Variants in KIFC1 observed in about 807,000 individuals in gnomAD.
The protein encoded by KIFC1 is kinesin-like protein KIFC1.
KIFC1 carries 37 observed loss-of-function variants against 66.6 expected under a neutral mutation model. The ratio of observed to expected loss-of-function variants is 0.56; its 90% confidence interval spans 0.43 to 0.73. KIFC1 has a LOEUF of 0.73. KIFC1 is among the 30% of genes least tolerant of loss of function. The pLI, the probability that KIFC1 is intolerant of heterozygous loss-of-function variation, is 0.00. For missense variants in KIFC1, 721 were observed against 859.8 expected, an observed-to-expected ratio of 0.84 and a Z score of 2.02; for synonymous variants, 325 against 343.5, an observed-to-expected ratio of 0.95 and a Z score of 0.60.
Position 33,406,524 on chromosome 6 carries a change from G to T in KIFC1, c.1827+38G>T. ...GTGGGGTGAGATACGGGACCTGGGG[G>T]ACAGTTGGGGTTGGCTGTGCAGAAC... On this transcript the variant is annotated intron_variant, in intron 8 of 10. Transcript: ENST00000428849. This position sits in a 1 kb window ranked among gnomAD's most constrained non-coding sequence, Gnocchi z 4.5. The T allele has an allele frequency of 2.5e-6, 4 of 1,610,546 alleles. No homozygotes were observed. The highest frequency in any genetic ancestry group is 3.4e-6 in the Non-Finnish European group (4 of 1,177,700).
Position 33,409,705 on chromosome 6 carries a change from CTGTGTGTGTG to C in KIFC1, c.*55_*64del, listed in dbSNP as rs3066474. 80,218 of 1,256,732 alleles carry C rather than the reference CTGTGTGTGTG, an allele frequency of 0.064. 3,145 individuals carry two copies. The highest frequency in any genetic ancestry group is 0.069 in the Non-Finnish European group (62,874 of 906,900). The allele number at this position is 1,256,732 out of a possible 1,614,324, so 77.8% of individuals were successfully genotyped here. ...ACAGGAAGTGAAGACGGATCCAGAT[CTGTGTGTGTG>C]TGTGTGTGTGTGTGTGTGTGTGTGT... On this transcript the variant is annotated 3_prime_UTR_variant, in exon 11 of 11. Transcript: ENST00000428849.
At chr6:33,399,299 A>G (rs57226870) in intron 3 of KIFC1, among the ~76,000 whole-genome samples, 2,099 of 152,246 alleles carry the variant, frequency 0.014, 62 homozygotes, top group African/African-American at 0.047. Context: ...GAGGCAGGAG[A>G]ATTGCTTAGA....
rs1012635084 is a variant in KIFC1, at chr6:33,405,809, G to A, written c.1536+178G>A. 2.6e-5 allele frequency among the ~76,000 whole-genome samples: 4 copies of A among 152,172 alleles called. No individual in the cohort carries two copies. Among genetic ancestry groups the A allele is most frequent in the African/African-American group, 4.8e-5 (2 of 41,428 alleles). On this transcript the variant is annotated intron_variant, in intron 7 of 10. Transcript: ENST00000428849. The surrounding 1 kb of genome is among the most constrained non-coding windows in gnomAD (Gnocchi z 5.4). ...TGTCGGTAGATCTGCCTTAACCTGG[G>A]AGTGGCGAGGGAGTGATGCATCTGC...
chr6:33,392,080 C>G, intron 1 of KIFC1, 83 bp downstream of exon 1: 5 of 1,501,940 alleles, frequency 3.3e-6, no homozygotes, highest in Non-Finnish European at 4.6e-6. Context: ...CCCCGGCTCC[C>G]GGTCGGCCTT....
chr6:33,405,845 A>G lies in KIFC1; in HGVS notation c.1536+214A>G, dbSNP rs1300541968. Among the ~76,000 whole-genome samples the G allele has an allele frequency of 6.6e-6, 1 of 152,080 alleles. No homozygotes were observed. The highest frequency in any genetic ancestry group is 1.5e-5 in the Non-Finnish European group (1 of 67,996). Reference sequence around the variant, plus strand: ...GAGTGATGCATCTGCCAAAACGAGGAGGGTCACTACATCTCATGTCTCATC... The same window carrying G: ...GAGTGATGCATCTGCCAAAACGAGGGGGGTCACTACATCTCATGTCTCATC... On this transcript the variant is annotated intron_variant, in intron 7 of 10. Transcript: ENST00000428849. The surrounding 1 kb of genome is among the most constrained non-coding windows in gnomAD (Gnocchi z 5.4).
In KIFC1 at chr6:33,400,008, T is replaced by A; in HGVS notation, c.250+1621T>A. On this transcript the variant is annotated intron_variant, in intron 3 of 10. Transcript: ENST00000428849. This position sits in a 1 kb window ranked among gnomAD's most constrained non-coding sequence, Gnocchi z 4.3. ...CATTTTAATCTTTTTTTAACTTTTT[T>A]TTTTCGACCAGTTGTCAAATGATCC... 1 of 623,608 alleles carries A rather than the reference T, an allele frequency of 1.6e-6. No homozygotes were observed. The highest frequency in any genetic ancestry group is 2.9e-6 in the Non-Finnish European group (1 of 350,194). The allele number at this position is 623,608 out of a possible 1,614,324, so 38.6% of individuals were successfully genotyped here.
At position 33,406,360 on chromosome 6, in the gene KIFC1, C is replaced by T. The variant is rs781508954; in HGVS notation, c.1701C>T (p.Ala567=). 26 of 1,613,904 alleles carry T rather than the reference C, an allele frequency of 1.6e-5. No homozygotes were observed. The highest frequency in any genetic ancestry group is 4.4e-5 in the South Asian group (4 of 91,082). Residue 567 remains alanine (A), a synonymous_variant, in exon 8 of 11, where the codon GCC becomes GCT. Coordinates refer to ENST00000428849, the MANE Select transcript of KIFC1 (RefSeq NM_002263.4). The surrounding 1 kb of genome is among the most constrained non-coding windows in gnomAD (Gnocchi z 4.5). ...CCCCCCTCAGTCTTGTGGACCTGGC[C>T]GGGAGTGAGCGACTTGACCCCGGCT... ...CGAPLSLVDL[A]GSERLDPGLA...
At chr6:33,407,702 T>G (rs1185101672) in intron 10 of KIFC1, among the ~76,000 whole-genome samples, 1 of 152,214 alleles carries the variant, frequency 6.6e-6, no homozygotes, top group Non-Finnish European at 1.5e-5. Context: ...TTCCAAATAG[T>G]GTGAATTCAG....
At chr6:33,408,628 T>C (rs1326133342) in intron 10 of KIFC1, among the ~76,000 whole-genome samples, 1 of 152,226 alleles carries the variant, frequency 6.6e-6, no homozygotes, top group Admixed American at 6.5e-5. Flanking sequence ...TGCTGAATTA[T>C]TTATTGATTT....
At position 33,405,020 on chromosome 6, in the gene KIFC1, G is replaced by A; in HGVS notation, c.925G>A (p.Gly309Ser). The A allele has an allele frequency of 6.2e-7, 1 of 1,614,130 alleles. No individual in the cohort carries two copies. Among genetic ancestry groups the A allele is most frequent in the Non-Finnish European group, 8.5e-7 (1 of 1,180,026 alleles). Residue 309 changes from glycine to serine, a missense_variant, in exon 7 of 11, where the codon GGC (glycine) becomes AGC (serine). By Grantham distance (56) the Gly-to-Ser change is moderately conservative. Transcript: ENST00000428849. This position sits in a 1 kb window ranked among gnomAD's most constrained non-coding sequence, Gnocchi z 5.4. The part of the protein sequence containing the change: ...RLHNQLQELK[G>S]NIRVFCRVRP... ...GCACAACCAGCTGCAGGAACTCAAG[G>A]GCAACATCCGTGTATTCTGCCGGGT...
chr6:33,407,874 G>C (rs895810585), intron 10 of KIFC1, among the ~76,000 whole-genome samples: 2 of 152,158 alleles, frequency 1.3e-5, no homozygotes, highest in Non-Finnish European at 2.9e-5. Flanking sequence ...CCTCCTGCGC[G>C]TATAGCCCTT....
chr6:33,403,596 G>A lies in KIFC1; in HGVS notation c.355+61G>A. ...GGATAGGGAAGAGAAGATGGTGAGTGACCAGAAAAATCCATTTGGTCTCTA... is the reference window on the plus strand; with the variant it reads ...GGATAGGGAAGAGAAGATGGTGAGTAACCAGAAAAATCCATTTGGTCTCTA... On this transcript the variant is annotated intron_variant, in intron 5 of 10. Coordinates refer to ENST00000428849, the MANE Select transcript of KIFC1 (RefSeq NM_002263.4). This position sits in a 1 kb window ranked among gnomAD's most constrained non-coding sequence, Gnocchi z 4.6. The A allele has an allele frequency of 5.0e-6, 8 of 1,595,464 alleles. No individual in the cohort carries two copies. The highest frequency in any genetic ancestry group is 6.9e-6 in the Non-Finnish European group (8 of 1,163,178).
At position 33,406,167 on chromosome 6, in the gene KIFC1, C is replaced by CT. The variant is rs773065953; in HGVS notation, c.1537-24dup. ...TTACTATGTACTGACTTCTGCCTGC[C>CT]TTTTTGCCCCTTCTGCTCCCATCCC... On this transcript the variant is annotated intron_variant, in intron 7 of 10. Coordinates refer to ENST00000428849, the MANE Select transcript of KIFC1 (RefSeq NM_002263.4). The surrounding 1 kb of genome is among the most constrained non-coding windows in gnomAD (Gnocchi z 4.5). 5 of 1,572,454 alleles carry CT rather than the reference C, an allele frequency of 3.2e-6. No homozygotes were observed. The East Asian group carries it at 1.1e-4, about 35-fold the overall frequency.
At chr6:33,392,551 A>C (rs1339658099) in intron 1 of KIFC1, among the ~76,000 whole-genome samples, 1 of 152,186 alleles carries the variant, frequency 6.6e-6, no homozygotes, top group Non-Finnish European at 1.5e-5. Context: ...TGCCCAATGA[A>C]ACTGATTGAT....
Position 33,406,161 on chromosome 6 carries a change from G to C in KIFC1, c.1537-35G>C. Reference sequence around the variant, plus strand: ...TACATATTACTATGTACTGACTTCTGCCTGCCTTTTTGCCCCTTCTGCTCC... The same window carrying C: ...TACATATTACTATGTACTGACTTCTCCCTGCCTTTTTGCCCCTTCTGCTCC... On this transcript the variant is annotated intron_variant, in intron 7 of 10. Transcript: ENST00000428849. The surrounding 1 kb of genome is among the most constrained non-coding windows in gnomAD (Gnocchi z 4.5). 1.9e-6 allele frequency: 3 copies of C among 1,566,386 alleles called. No individual in the cohort carries two copies. The highest frequency in any genetic ancestry group is 1.7e-6 in the Non-Finnish European group (2 of 1,152,494).
chr6:33,406,505 T>C lies in KIFC1; in HGVS notation c.1827+19T>C, dbSNP rs1474013538. 4.4e-6 allele frequency: 7 copies of C among 1,604,458 alleles called. No homozygotes were observed. The Admixed American group carries it at 5.0e-5, about 12-fold the overall frequency. ...CAACAAGGTGGGAATGGGAGTGGGGTGAGATACGGGACCTGGGGGACAGTT... is the reference window on the plus strand; with the variant it reads ...CAACAAGGTGGGAATGGGAGTGGGGCGAGATACGGGACCTGGGGGACAGTT... On this transcript the variant is annotated intron_variant, in intron 8 of 10. Transcript: ENST00000428849. This position sits in a 1 kb window ranked among gnomAD's most constrained non-coding sequence, Gnocchi z 4.5.
intron 1 of KIFC1, among the ~76,000 whole-genome samples, chr6:33,393,461 A>C (rs1774886257): frequency 9.8e-6 from 1 of 102,516 alleles, no homozygotes; most frequent in African/African-American, 4.3e-5. Context: ...TTTTTTTGAG[A>C]CAGGTTCTCT....
chr6:33,403,326 C>G lies in KIFC1; in HGVS notation c.263C>G (p.Ser88Cys). The change falls in exon 4 of 11, where the codon TCC (serine) becomes TGC (cysteine). Residue 88 changes from serine (S) to cysteine (C), a missense_variant. Transcript: ENST00000428849. This position sits in a 1 kb window ranked among gnomAD's most constrained non-coding sequence, Gnocchi z 4.6. ...TQGQTTAQKV[S>C]KKTGPRCSTA... Reference sequence around the variant, plus strand: ...ATCTCCTGGGCAGCTCAAAAAGTTTCCAAGAAGACAGGACCCCGGTGTTCC... The same window carrying G: ...ATCTCCTGGGCAGCTCAAAAAGTTTGCAAGAAGACAGGACCCCGGTGTTCC... 6.2e-7 allele frequency: 1 copy of G among 1,613,486 alleles called. No individual in the cohort carries two copies. The highest frequency in any genetic ancestry group is 1.8e-4 in the Middle Eastern group (1 of 5,514).
At chr6:33,402,359 A>G (rs1021210055) in intron 3 of KIFC1, among the ~76,000 whole-genome samples, 1 of 152,194 alleles carries the variant, frequency 6.6e-6, no homozygotes, top group Non-Finnish European at 1.5e-5. Context: ...AAATGTCATT[A>G]TGGGCACATG....
Sources: allele counts gnomAD v4.1 joint callset (sites outside exome capture counted in the v4.1 genomes callset), GRCh38; gene constraint gnomAD v4.1.1; non-coding constraint Gnocchi (gnomAD v3.1); transcripts MANE v1.5; gene names NCBI Gene and HGNC (gene_info 2026-07-23, HGNC 2026-07-21).